Variants in CNTNAP2 observed in about 807,000 individuals in gnomAD.
CNTNAP2 encodes contactin-associated protein-like 2.
A neutral mutation model predicts 155.2 loss-of-function variants in CNTNAP2; 98 were observed. The ratio of observed to expected loss-of-function variants is 0.63; its 90% CI spans 0.54 to 0.75. The LOEUF is 0.75. Ranked by LOEUF, CNTNAP2 falls within the 30% of genes least tolerant of loss-of-function variation. CNTNAP2 has a pLI of 0.00. For missense variants in CNTNAP2, 1,727 were observed against 1,688.1 expected (o/e 1.02, Z -0.40); for synonymous variants, 651 against 631.2 (o/e 1.03, Z -0.47).
rs78473453 is a variant in CNTNAP2, at chr7:148,071,561, G to C, written c.2384-46557G>C. ...CAGCAGAAGGAGAAAGTAATGTCTTGAGGAAGGTGCGAATCATCTGTAAAT... is the reference window on the plus strand; with the variant it reads ...CAGCAGAAGGAGAAAGTAATGTCTTCAGGAAGGTGCGAATCATCTGTAAAT... On this transcript the variant is annotated intron_variant, in intron 15 of 23. Transcript: ENST00000361727. 9.2e-3 allele frequency among the ~76,000 whole-genome samples: 1,396 copies of C among 152,292 alleles called. 17 individuals carry two copies. Among genetic ancestry groups the C allele is most frequent in the Middle Eastern group, 0.024 (7 of 294 alleles).
intron 8 of CNTNAP2, among the ~76,000 whole-genome samples, chr7:147,256,663 A>C (rs1312789091): frequency 6.6e-6 from 1 of 152,172 alleles, no homozygotes; most frequent in Non-Finnish European, 1.5e-5. Context: ...CAGGATGACA[A>C]ATGTGATCTA....
intron 13 of CNTNAP2, among the ~76,000 whole-genome samples, chr7:147,799,032 C>A (rs1356276697): frequency 3.9e-5 from 6 of 152,152 alleles, no homozygotes; most frequent in Non-Finnish European, 5.9e-5. Flanking sequence ...GCAAAAGCAG[C>A]CAGTGTAAAA....
chr7:146,636,851 C>T (rs17170207), intron 1 of CNTNAP2, among the ~76,000 whole-genome samples: 28,424 of 152,068 alleles, frequency 0.19, 3,076 homozygotes, highest in East Asian at 0.49. Flanking sequence ...AGCTGTGATT[C>T]CAAAATCCCC....
intron 9 of CNTNAP2, among the ~76,000 whole-genome samples, chr7:147,367,915 C>A (rs372700943): frequency 3.9e-5 from 6 of 151,944 alleles, no homozygotes; most frequent in African/African-American, 1.5e-4. Context: ...CTAACCTTTG[C>A]GGTCAGGTCC....
intron 15 of CNTNAP2, among the ~76,000 whole-genome samples, chr7:148,043,160 T>G (rs1425957447): frequency 6.6e-6 from 1 of 152,192 alleles, no homozygotes; most frequent in East Asian, 1.9e-4. Flanking sequence ...AGTCACAGTG[T>G]CACTAACTCA....
At chr7:147,026,262 A>C (rs902052437) in intron 3 of CNTNAP2, among the ~76,000 whole-genome samples, 5 of 152,252 alleles carry the variant, frequency 3.3e-5, no homozygotes, top group Admixed American at 3.3e-4. Context: ...ATTATAATGC[A>C]CAGGTGTTTG....
chr7:146,445,452 G>GCAATT (rs1796389301), intron 1 of CNTNAP2, among the ~76,000 whole-genome samples: 2 of 152,138 alleles, frequency 1.3e-5, no homozygotes, highest in African/African-American at 2.4e-5. Flanking sequence ...CCTAGAGCAA[G>GCAATT]CAATTTCACA....
At chr7:146,334,516 G>C (rs1801241906) in intron 1 of CNTNAP2, among the ~76,000 whole-genome samples, 1 of 151,284 alleles carries the variant, frequency 6.6e-6, no homozygotes, top group Non-Finnish European at 1.5e-5. Context: ...TCTGTCACTA[G>C]CTAGTTCTCC....
intron 16 of CNTNAP2, among the ~76,000 whole-genome samples, chr7:148,130,613 A>C (rs1231073779): frequency 6.6e-6 from 1 of 152,112 alleles, no homozygotes; most frequent in Non-Finnish European, 1.5e-5. Context: ...TTTACGGCCT[A>C]ACTTAATTTT....
At chr7:148,063,768 A>G (rs1211083819) in intron 15 of CNTNAP2, among the ~76,000 whole-genome samples, 1 of 151,416 alleles carries the variant, frequency 6.6e-6, no homozygotes, top group Non-Finnish European at 1.5e-5. Context: ...TTTTTGTTGC[A>G]TTTGCTTTTG....
At position 147,668,126 on chromosome 7, in the gene CNTNAP2, C is replaced by T. The variant is rs538042943; in HGVS notation, c.2098+28820C>T. 3.9e-5 allele frequency among the ~76,000 whole-genome samples: 6 copies of T among 152,154 alleles called. No homozygotes were observed. The South Asian group carries it at 1.0e-3, about 26-fold the overall frequency. On this transcript the variant is annotated intron_variant, in intron 13 of 23. Coordinates refer to ENST00000361727, the MANE Select transcript of CNTNAP2 (RefSeq NM_014141.6). The stretch of plus-strand genomic sequence containing the variant: ...CTAATGAGGAGTTGTTGGAATAGAA[C>T]ATATAGCTGAAGAAGAGGCAACAGA...
intron 1 of CNTNAP2, among the ~76,000 whole-genome samples, chr7:146,356,186 G>A (rs1328242608): frequency 2.0e-5 from 3 of 151,726 alleles, no homozygotes; most frequent in African/African-American, 4.8e-5. Flanking sequence ...AGATGTACTC[G>A]CAAACCGTAC....
chr7:147,161,254 A>T (rs983267301), intron 8 of CNTNAP2, among the ~76,000 whole-genome samples: 6 of 152,180 alleles, frequency 3.9e-5, no homozygotes, highest in Admixed American at 3.9e-4. Context: ...CCAGTTGCAT[A>T]GCGCAACTCA....
intron 12 of CNTNAP2, among the ~76,000 whole-genome samples, chr7:147,602,777 A>T (rs905771485): frequency 1.3e-4 from 20 of 151,956 alleles, no homozygotes; most frequent in African/African-American, 4.8e-4. Flanking sequence ...ACTGAGAATG[A>T]TGATTTCCAA....
intron 11 of CNTNAP2, among the ~76,000 whole-genome samples, chr7:147,512,135 C>T (rs1799033967): frequency 6.6e-6 from 1 of 152,094 alleles, no homozygotes; most frequent in Non-Finnish European, 1.5e-5. Context: ...ACCTAATGCA[C>T]TTTATATCCT....
At chr7:146,646,720 T>C (rs956429283) in intron 1 of CNTNAP2, among the ~76,000 whole-genome samples, 3 of 152,092 alleles carry the variant, frequency 2.0e-5, no homozygotes, top group Non-Finnish European at 4.4e-5. Context: ...GTATCTAATT[T>C]TATGGTGGAG....
intron 1 of CNTNAP2, among the ~76,000 whole-genome samples, chr7:146,412,906 C>T (rs1307138811): frequency 6.6e-6 from 1 of 152,114 alleles, no homozygotes; most frequent in Non-Finnish European, 1.5e-5. Flanking sequence ...ATCTGTGCCT[C>T]ATGAAAATGG....
chr7:146,334,845 C>T (rs1396439249), intron 1 of CNTNAP2, among the ~76,000 whole-genome samples: 2 of 152,176 alleles, frequency 1.3e-5, no homozygotes, highest in African/African-American at 4.8e-5. Context: ...CAGTATTATT[C>T]CTCATTGCTT....
At chr7:146,556,460 C>T (rs2693386) in intron 1 of CNTNAP2, among the ~76,000 whole-genome samples, 123,788 of 151,724 alleles carry the variant, frequency 0.82, 51,100 homozygotes, top group African/African-American at 0.9. Flanking sequence ...GTAAATCATG[C>T]AGAACAGCGT....
Sources: allele counts gnomAD v4.1 joint callset (sites outside exome capture counted in the v4.1 genomes callset), GRCh38; gene constraint gnomAD v4.1.1; transcripts MANE v1.5; gene names NCBI Gene and HGNC (gene_info 2026-07-23, HGNC 2026-07-21).